ANKRD50: variants seen among roughly 807,000 people sequenced by gnomAD.
The protein encoded by ANKRD50 is ankyrin repeat domain 50, also known as ankyrin repeat domain-containing protein 50.
A neutral mutation model predicts 112.0 loss-of-function variants in ANKRD50; 40 were observed. The ratio of observed to expected loss-of-function variants is 0.36; its 90% confidence interval spans 0.28 to 0.46. The LOEUF is 0.46. Among genes scored for constraint, ANKRD50 ranks in the 20% least tolerant of loss-of-function variants. The pLI is 1.00. For missense variants in ANKRD50, 1,487 were observed against 1,701.7 expected (o/e 0.87, Z 2.22); for synonymous variants, 613 against 619.1 (o/e 0.99, Z 0.15).
At position 124,671,922 on chromosome 4, in the gene ANKRD50, G is replaced by A. The variant is rs1252910055; in HGVS notation, c.1355C>T (p.Ala452Val). 1 of 1,613,872 alleles carries A rather than the reference G, an allele frequency of 6.2e-7. No homozygotes were observed. The highest frequency in any genetic ancestry group is 1.1e-5 in the South Asian group (1 of 91,064). Residue 452 changes from alanine to valine, a missense_variant, in exon 4 of 5, where the codon GCA becomes GTA. Ala to Val is a moderately conservative substitution (Grantham distance 64). Around this residue, in one of 2 missense-constraint regions of ANKRD50, gnomAD observed 1,046 missense variants for 1,269.5 expected, o/e 0.82. Coordinates refer to ENST00000504087, the MANE Select transcript of ANKRD50 (RefSeq NM_020337.3). ...AATTAAGTGCAATGCAAATTCTTGT[G>A]CTTCCAATGGTGTTAAATTCTTGGC... ...CQAKNLTPLEAQEFALHLINS... is the reference protein window; with the variant it reads ...CQAKNLTPLEVQEFALHLINS...
At chr4:124,683,985 A>T (rs1010603554) in intron 2 of ANKRD50, among the ~76,000 whole-genome samples, 1 of 150,636 alleles carries the variant, frequency 6.6e-6, no homozygotes, top group Admixed American at 6.6e-5. Context: ...TGACAATAAG[A>T]AAAGATTTTT....
chr4:124,688,915 T>TC lies in ANKRD50; in HGVS notation c.513-10011dup, dbSNP rs545417426. On this transcript the variant is annotated intron_variant, in intron 2 of 4. Transcript: ENST00000504087. ...TAGAACTTTCATATATGCTGGAATT[T>TC]CCACCACTCCTCACTTCAAGGTTTT... Among the ~76,000 whole-genome samples the TC allele has an allele frequency of 1.1e-3, 170 of 152,288 alleles. 1 individual carries two copies. Among genetic ancestry groups the TC allele is most frequent in the African/African-American group, 3.9e-3 (164 of 41,570 alleles).
rs1159333968 is a variant in ANKRD50, at chr4:124,664,300, A to G, written c.*3218T>C. On this transcript the variant is annotated 3_prime_UTR_variant, in exon 5 of 5. Transcript: ENST00000504087. ...AAGGCTTAGGAAGACATAAACAGTA[A>G]ATCTTTGTTTTTCTACCTTCCTTTG... 6.6e-6 allele frequency: 1 copy of G among 151,870 alleles called. No individual in the cohort carries two copies. The highest frequency in any genetic ancestry group is 2.1e-4 in the South Asian group (1 of 4,808). 9.4% of individuals were successfully genotyped at this position (151,870 alleles called of 1,614,324 possible).
chr4:124,669,804 G>A lies in ANKRD50; in HGVS notation c.3473C>T (p.Thr1158Ile), dbSNP rs747549259. ...PSLRGLPNGP[T>I]HAFSSPSESP... ...TTCTGAAGGAGAACTAAAAGCATGAGTAGGCCCATTAGGTAAACCACGTAA... is the reference window on the plus strand; with the variant it reads ...TTCTGAAGGAGAACTAAAAGCATGAATAGGCCCATTAGGTAAACCACGTAA... Residue 1158 changes from threonine (T) to isoleucine (I), a missense_variant, in exon 4 of 5, where the codon ACT becomes ATT. Physicochemically the swap from Thr to Ile is moderately conservative, Grantham distance 89 (BLOSUM62 -1). Around this residue, in one of 2 missense-constraint regions of ANKRD50, gnomAD observed 441 missense variants for 432.2 expected, o/e 1.02. Coordinates refer to ENST00000504087, the MANE Select transcript of ANKRD50 (RefSeq NM_020337.3). 13 of 1,613,222 alleles carry A rather than the reference G, an allele frequency of 8.1e-6. No homozygotes were observed. The highest frequency in any genetic ancestry group is 2.2e-5 in the East Asian group (1 of 44,846).
At chr4:124,677,849 C>A (rs562819577) in intron 3 of ANKRD50, among the ~76,000 whole-genome samples, 34 of 152,088 alleles carry the variant, frequency 2.2e-4, no homozygotes, top group African/African-American at 8.2e-4. Flanking sequence ...GGAACGGTGA[C>A]ACAGACCAAA....
At position 124,670,300 on chromosome 4, in the gene ANKRD50, C is replaced by T; in HGVS notation, c.2977G>A (p.Glu993Lys). 6.2e-7 allele frequency: 1 copy of T among 1,613,986 alleles called. No homozygotes were observed. The highest frequency in any genetic ancestry group is 8.5e-7 in the Non-Finnish European group (1 of 1,179,914). Reference protein sequence around the residue: ...LHVSCWQGHMEMVQVLIAYHA... With the variant: ...LHVSCWQGHMKMVQVLIAYHA... ...TATGCTATCAGGACCTGCACCATTT[C>T]CATATGGCCTTGCCAACAAGACACA... Residue 993 changes from glutamate to lysine, a missense_variant, in exon 4 of 5, where the codon GAA becomes AAA. Coordinates refer to ENST00000504087, the MANE Select transcript of ANKRD50 (RefSeq NM_020337.3).
At position 124,671,196 on chromosome 4, in the gene ANKRD50, T is replaced by C; in HGVS notation, c.2081A>G (p.Glu694Gly). 1 of 1,613,896 alleles carries C rather than the reference T, an allele frequency of 6.2e-7. No individual in the cohort carries two copies. Among genetic ancestry groups the C allele is most frequent in the South Asian group, 1.1e-5 (1 of 91,076 alleles). ...AAYMGHREIV[E>G]HLLDHGAEVN... Reference sequence around the variant, plus strand: ...TTCTGCTCCATGGTCCAGTAGGTGTTCCACAATCTCTCTATGTCCCATGTA... The same window carrying C: ...TTCTGCTCCATGGTCCAGTAGGTGTCCCACAATCTCTCTATGTCCCATGTA... The change falls in exon 4 of 5, where the codon GAA becomes GGA. Residue 694 changes from glutamate (E) to glycine (G), a missense_variant. Glu to Gly is a moderately conservative substitution (Grantham distance 98, BLOSUM62 -2). Coordinates refer to ENST00000504087, the MANE Select transcript of ANKRD50 (RefSeq NM_020337.3).
At chr4:124,699,201 G>A (rs1725328673) in intron 2 of ANKRD50, among the ~76,000 whole-genome samples, 1 of 151,596 alleles carries the variant, frequency 6.6e-6, no homozygotes, top group Admixed American at 6.6e-5. Flanking sequence ...CTTTAAGTGT[G>A]GATTGTTTGT....
chr4:124,678,265 C>T (rs376024849), intron 3 of ANKRD50, among the ~76,000 whole-genome samples: 54 of 150,606 alleles, frequency 3.6e-4, no homozygotes, highest in Non-Finnish European at 6.8e-4. Flanking sequence ...AACTTTATTA[C>T]GGTAGTAAAT....
intron 3 of ANKRD50, among the ~76,000 whole-genome samples, chr4:124,672,923 T>C (rs2110509703): frequency 6.6e-6 from 1 of 152,194 alleles, no homozygotes; most frequent in South Asian, 2.1e-4. Flanking sequence ...AGGTTTCTTT[T>C]TACAAAATCT....
chr4:124,706,902 G>C (rs1725518749), intron 2 of ANKRD50, among the ~76,000 whole-genome samples: 1 of 151,846 alleles, frequency 6.6e-6, no homozygotes, highest in Admixed American at 6.6e-5. Context: ...GTAATTTATT[G>C]AATACTATAT....
chr4:124,705,628 T>C (rs1376184733), intron 2 of ANKRD50, among the ~76,000 whole-genome samples: 1 of 152,220 alleles, frequency 6.6e-6, no homozygotes, highest in Non-Finnish European at 1.5e-5. Context: ...TTCTGGTTGA[T>C]TGAAACAGCT....
chr4:124,707,395 T>G (rs1327123481), intron 2 of ANKRD50, among the ~76,000 whole-genome samples: 2 of 152,104 alleles, frequency 1.3e-5, no homozygotes, highest in African/African-American at 4.8e-5. Context: ...TGTCCAAAAG[T>G]AGAAGCCTAG....
At chr4:124,668,804 G>C (rs1730555630) in intron 4 of ANKRD50, among the ~76,000 whole-genome samples, 180 bp downstream of exon 4, 1 of 151,966 alleles carries the variant, frequency 6.6e-6, no homozygotes, top group Non-Finnish European at 1.5e-5. Flanking sequence ...CACGCAAGGG[G>C]GAAAGGAGTG....
At chr4:124,706,067 G>C (rs1335098053) in intron 2 of ANKRD50, among the ~76,000 whole-genome samples, 1 of 151,950 alleles carries the variant, frequency 6.6e-6, no homozygotes, top group African/African-American at 2.4e-5. Flanking sequence ...TGTGTTTCAT[G>C]AACACTGTAA....
chr4:124,664,641 A>T lies in ANKRD50; in HGVS notation c.*2877T>A, dbSNP rs1361845917. 6.6e-6 allele frequency: 1 copy of T among 152,478 alleles called. No individual in the cohort carries two copies. Among genetic ancestry groups the T allele is most frequent in the African/African-American group, 2.4e-5 (1 of 41,444 alleles). 9.4% of individuals were successfully genotyped at this position (152,478 alleles called of 1,614,324 possible). ...CAAACCAAGGGAAAAATAAAAAGAAAGCATTTGTTTGCAACTACATTTGCT... is the reference window on the plus strand; with the variant it reads ...CAAACCAAGGGAAAAATAAAAAGAATGCATTTGTTTGCAACTACATTTGCT... On this transcript the variant is annotated 3_prime_UTR_variant, in exon 5 of 5. Coordinates refer to ENST00000504087, the MANE Select transcript of ANKRD50 (RefSeq NM_020337.3).
chr4:124,689,879 T>G (rs1725094812), intron 2 of ANKRD50, among the ~76,000 whole-genome samples: 1 of 152,202 alleles, frequency 6.6e-6, no homozygotes, highest in African/African-American at 2.4e-5. Flanking sequence ...ACTGCAAAAA[T>G]TTCCCTTCAT....
chr4:124,680,842 G>C (rs1444471389), intron 2 of ANKRD50, among the ~76,000 whole-genome samples: 1 of 151,966 alleles, frequency 6.6e-6, no homozygotes, highest in Non-Finnish European at 1.5e-5. Context: ...GGGGGTAGGG[G>C]AGGACACACA....
intron 2 of ANKRD50, among the ~76,000 whole-genome samples, chr4:124,690,318 T>C (rs1483925158): frequency 6.6e-6 from 1 of 152,190 alleles, no homozygotes; most frequent in East Asian, 1.9e-4. Context: ...TCCAGAAAAA[T>C]GGCAACACAC....
Sources: gnomAD v4.1 joint callset for allele counts (sites outside exome capture counted in the v4.1 genomes callset) on GRCh38, gnomAD v4.1.1 for gene constraint, gnomAD v4.1.1 regional missense constraint, MANE v1.5 for transcripts, NCBI Gene and HGNC (gene_info 2026-07-23, HGNC 2026-07-21) for gene names.